RAB37: variants seen among roughly 807,000 people sequenced by gnomAD.
RAB37 encodes the protein ras-related protein Rab-37.
In RAB37, 29 loss-of-function variants were observed where a neutral mutation model predicts 33.1. That is an observed-to-expected ratio of 0.88 (90% CI 0.65 to 1.20). The LOEUF (loss-of-function observed/expected upper bound fraction) is 1.20. Ranked by LOEUF, RAB37 falls within the 50% of genes most tolerant of loss-of-function variation. The probability of loss-of-function intolerance (pLI) is 0.00; values close to 1 mark genes in which losing one functional copy is unlikely to be tolerated. For missense variants in RAB37, 299 were observed against 301.1 expected (o/e 0.99, Z 0.05); for synonymous variants, 128 against 119.5 (o/e 1.07, Z -0.47).
upstream of RAB37, chr17:74,736,575 G>A: frequency 1.3e-6 from 2 of 1,510,204 alleles, no homozygotes; most frequent in South Asian, 1.2e-5. Flanking sequence ...ACTGGGAGAT[G>A]TGTGCTGCGC....
At position 74,742,177 on chromosome 17, in the gene RAB37, G is replaced by A; in HGVS notation, c.205-77G>A. On this transcript the variant is annotated intron_variant, in intron 2 of 8. Coordinates refer to ENST00000392613, the MANE Select transcript of RAB37 (RefSeq NM_001006638.3). This position sits in a 1 kb window ranked among gnomAD's most constrained non-coding sequence, Gnocchi z 4.0. ...TGCACCCACTCTAGGCCTGGAGAGG[G>A]AACAAGACAGGACGTCTGCAGAGCT... 6.4e-7 allele frequency: 1 copy of A among 1,568,772 alleles called. No homozygotes were observed. Among genetic ancestry groups the A allele is most frequent in the Non-Finnish European group, 8.7e-7 (1 of 1,154,368 alleles).
chr17:74,735,546 C>T, upstream of RAB37, among the ~76,000 whole-genome samples: 1 of 152,136 alleles, frequency 6.6e-6, no homozygotes, highest in East Asian at 1.9e-4. Flanking sequence ...CGGGAGCCCA[C>T]GGCATTGAGC....
In RAB37 at chr17:74,744,216, G is replaced by A. The variant is rs556450784; in HGVS notation, c.367-92G>A. 1.0e-3 allele frequency: 1,271 copies of A among 1,220,030 alleles called. 3 individuals carry two copies. The highest frequency in any genetic ancestry group is 1.4e-3 in the Non-Finnish European group (1,181 of 847,644). The allele number at this position is 1,220,030 out of a possible 1,614,324, so 75.6% of individuals were successfully genotyped here. On this transcript the variant is annotated intron_variant, in intron 5 of 8. Coordinates refer to ENST00000392613, the MANE Select transcript of RAB37 (RefSeq NM_001006638.3). The surrounding 1 kb of genome is among the most constrained non-coding windows in gnomAD (Gnocchi z 4.2). Reference sequence around the variant, plus strand: ...GAACGCACAGGGTATCGTGTTCAAGGTAGTGAGTAACTGAGGATAGTCAAA... The same window carrying A: ...GAACGCACAGGGTATCGTGTTCAAGATAGTGAGTAACTGAGGATAGTCAAA...
At position 74,738,897 on chromosome 17, in the gene RAB37, C is replaced by T. The variant is rs1181746410; in HGVS notation, c.93+1532C>T. ...TCCCTGGGTCTTAGGTGATTCACCA[C>T]GATGATGGGCCCTAGCCATTAACAG... On this transcript the variant is annotated intron_variant, in intron 1 of 8. Transcript: ENST00000392613. The surrounding 1 kb of genome is among the most constrained non-coding windows in gnomAD (Gnocchi z 5.0). Among the ~76,000 whole-genome samples, 2 of 152,160 alleles carry T rather than the reference C, an allele frequency of 1.3e-5. No individual in the cohort carries two copies. Among genetic ancestry groups the T allele is most frequent in the Non-Finnish European group, 1.5e-5 (1 of 68,016 alleles).
chr17:74,719,274 C>G (rs527396463), intron 1 of RAB37, among the ~76,000 whole-genome samples: 1 of 151,860 alleles, frequency 6.6e-6, no homozygotes, highest in Non-Finnish European at 1.5e-5. Context: ...ATGGTGAAAC[C>G]CCAACTCTGC....
rs1183892612 is a variant in RAB37 at position 74,745,433 on chromosome 17, G to T, written c.*22G>T. ...GTGAATCCCAGGGGGCAGAGAGGAG[G>T]CTCTGGAGGCACACAGGATGCAGCC... is the stretch of plus-strand genomic sequence containing the variant. On this transcript the variant is annotated 3_prime_UTR_variant, in exon 9 of 9. Transcript: ENST00000392613. The surrounding 1 kb of genome is among the most constrained non-coding windows in gnomAD (Gnocchi z 4.5). 1 of 1,581,930 alleles carries T rather than the reference G, an allele frequency of 6.3e-7. No homozygotes were observed. Among genetic ancestry groups the T allele is most frequent in the Admixed American group, 1.7e-5 (1 of 59,940 alleles).
chr17:74,686,322 A>G (rs1172581266), intron 1 of RAB37, among the ~76,000 whole-genome samples: 3 of 152,012 alleles, frequency 2.0e-5, no homozygotes, highest in African/African-American at 7.3e-5. Context: ...CAAACTCCTG[A>G]GCTCAGGCAA....
In RAB37 at chr17:74,722,381, G is replaced by T. The variant is rs2034254606; in HGVS notation, c.73-6875G>T. On this transcript the variant is annotated intron_variant, in intron 1 of 7. Transcript: ENST00000340415. ...CCAAACTCTGTAGGGCCAGCCCAAAGGCTGTAAATTTTCAGGCGAGAGTTG... is the reference window on the plus strand; with the variant it reads ...CCAAACTCTGTAGGGCCAGCCCAAATGCTGTAAATTTTCAGGCGAGAGTTG... 3.9e-5 allele frequency among the ~76,000 whole-genome samples: 6 copies of T among 152,136 alleles called. No homozygotes were observed. The South Asian group carries it at 1.2e-3, about 32-fold the overall frequency.
rs1384648742 is a variant in RAB37, at chr17:74,738,068, G to A, written c.93+703G>A. On this transcript the variant is annotated intron_variant, in intron 1 of 8. Transcript: ENST00000392613. This position sits in a 1 kb window ranked among gnomAD's most constrained non-coding sequence, Gnocchi z 5.0. ...ACAGGGGTGTCCTGTATGGAAACAG[G>A]TAGGGACAGCAGTGGACTGGTCTGT... Among the ~76,000 whole-genome samples the A allele has an allele frequency of 1.3e-5, 2 of 152,226 alleles. 1 individual carries two copies. The highest frequency in any genetic ancestry group is 4.1e-4 in the South Asian group (2 of 4,830).
chr17:74,704,700 A>G (rs1459206191), intron 1 of RAB37: 1 of 1,614,160 alleles, frequency 6.2e-7, no homozygotes, highest in Admixed American at 1.7e-5. Context: ...GCTCCTCGAC[A>G]CCACCACTTC....
In RAB37 at chr17:74,711,647, G is replaced by A. The variant is rs145781003; in HGVS notation, c.73-17609G>A. On this transcript the variant is annotated intron_variant, in intron 1 of 7. Transcript: ENST00000340415. ...AGTCCAAGCTCATTCCTACACAAGA[G>A]CCCTCGTATCTACTGTTCCCTGTGC... Among the ~76,000 whole-genome samples, 434 of 152,202 alleles carry A rather than the reference G, an allele frequency of 2.9e-3. 8 individuals are homozygous for A. Among genetic ancestry groups the A allele is most frequent in the Non-Finnish European group, 1.1e-3 (72 of 68,024 alleles).
chr17:74,736,461 C>G, upstream of RAB37: 1 of 1,304,926 alleles, frequency 7.7e-7, no homozygotes, highest in South Asian at 1.6e-5. Flanking sequence ...CCTGGCAGCT[C>G]TGCTCAAAAT....
intron 1 of RAB37, among the ~76,000 whole-genome samples, chr17:74,719,600 G>C (rs1483725409): frequency 6.6e-6 from 1 of 151,958 alleles, no homozygotes; most frequent in Non-Finnish European, 1.5e-5. Flanking sequence ...TGTAATTCTG[G>C]AAAATCTCCT....
intron 2 of RAB37, among the ~76,000 whole-genome samples, chr17:74,741,341 A>C (rs575702464): frequency 1.3e-5 from 2 of 152,170 alleles, no homozygotes; most frequent in East Asian, 1.9e-4. Flanking sequence ...TATTCCCAGC[A>C]CTTTGGGAGG....
chr17:74,697,523 C>T (rs1429216164), intron 1 of RAB37, among the ~76,000 whole-genome samples: 3 of 152,210 alleles, frequency 2.0e-5, no homozygotes, highest in African/African-American at 7.2e-5. Context: ...GAGAGTCAGG[C>T]TCCCCTCTTC....
intron 1 of RAB37, among the ~76,000 whole-genome samples, chr17:74,718,362 A>G (rs2034195829): frequency 7.0e-6 from 1 of 142,928 alleles, no homozygotes; most frequent in Non-Finnish European, 1.6e-5. Flanking sequence ...ATCATATCAT[A>G]TCCACCCAGT....
In RAB37 at chr17:74,743,327, T is replaced by G. The variant is rs767801558; in HGVS notation, c.353T>G (p.Phe118Cys). ...LLYDITNKSS[F>C]DNIRAWLTEI... ...TATGACATCACCAACAAATCTTCTT[T>G]CGACAACATCAGGGTAGGTCCTCCC... Residue 118 changes from phenylalanine to cysteine, a missense_variant, in exon 5 of 9, where the codon TTC becomes TGC. By Grantham distance (205) the Phe-to-Cys change is radical. Transcript: ENST00000392613. 42 of 1,613,956 alleles carry G rather than the reference T, an allele frequency of 2.6e-5. No individual in the cohort carries two copies. In the South Asian group the frequency reaches 4.4e-4, roughly 17 times the overall value.
chr17:74,695,937 C>T lies in RAB37; in HGVS notation c.72+24279C>T, dbSNP rs550576411. On this transcript the variant is annotated intron_variant, in intron 1 of 7. Coordinates refer to the RAB37 transcript ENST00000340415. ...GTTCCTTTTCCACGGTGGGACGGGA[C>T]GAGAGCCTCTCCACTTCCCCAGGTG... is the stretch of plus-strand genomic sequence containing the variant. 312 of 1,511,254 alleles carry T rather than the reference C, an allele frequency of 2.1e-4. 1 individual carries two copies. In the South Asian group the frequency reaches 3.7e-3, roughly 18 times the overall value. 93.6% of individuals were successfully genotyped at this position (1,511,254 alleles called of 1,614,324 possible).
chr17:74,731,343 C>T (rs950758835), intron 2 of RAB37, among the ~76,000 whole-genome samples: 1 of 152,212 alleles, frequency 6.6e-6, no homozygotes, highest in East Asian at 1.9e-4. Flanking sequence ...GGCTGAGTGC[C>T]GCCCAGGTGG....
Sources: allele counts gnomAD v4.1 joint callset (sites outside exome capture counted in the v4.1 genomes callset), GRCh38; gene constraint gnomAD v4.1.1; non-coding constraint Gnocchi (gnomAD v3.1); transcripts MANE v1.5; gene names NCBI Gene and HGNC (gene_info 2026-07-23, HGNC 2026-07-21).